PFKM: variants seen among roughly 807,000 people sequenced by gnomAD.
The protein encoded by PFKM is phosphofructokinase, muscle, also known as ATP-dependent 6-phosphofructokinase, muscle type.
PFKM carries 58 observed loss-of-function variants against 95.5 expected under a neutral mutation model. The ratio of observed to expected loss-of-function variants is 0.61; its 90% CI spans 0.49 to 0.76. The LOEUF (loss-of-function observed/expected upper bound fraction) is 0.76. PFKM is among the 30% of genes least tolerant of loss of function. The pLI is 0.00. For missense variants in PFKM, 678 were observed against 1,005.4 expected, an observed-to-expected ratio of 0.67 and a Z score of 4.40; for synonymous variants, 336 against 357.2, an observed-to-expected ratio of 0.94 and a Z score of 0.67.
chr12:48,145,758 C>A lies in PFKM; in HGVS notation c.*50C>A. 2 of 1,573,032 alleles carry A rather than the reference C, an allele frequency of 1.3e-6. No individual in the cohort carries two copies. Among genetic ancestry groups the A allele is most frequent in the Admixed American group, 1.7e-5 (1 of 59,972 alleles). On this transcript the variant is annotated 3_prime_UTR_variant, in exon 23 of 23. Coordinates refer to ENST00000359794, the MANE Select transcript of PFKM (RefSeq NM_000289.6). The surrounding 1 kb of genome is among the most constrained non-coding windows in gnomAD (Gnocchi z 4.3). The stretch of plus-strand genomic sequence containing the variant: ...ATTACCTGATCATGGTCAGCTCACA[C>A]CCTAATAAGTCCACATCTTCTCAGT...
chr12:48,130,553 AT>A, intron 3 of PFKM, 117 bp downstream of exon 3: 1 of 837,436 alleles, frequency 1.2e-6, no homozygotes, highest in Non-Finnish European at 2.1e-6. Context: ...GCTGTGTTTG[AT>A]TTTCCTTGAC....
intron 4 of PFKM, chr12:48,131,974 T>G: frequency 2.2e-6 from 1 of 455,714 alleles, no homozygotes; most frequent in Non-Finnish European, 4.4e-6. Flanking sequence ...CATTTGCTGG[T>G]TTACTGAAAA....
At chr12:48,109,783 G>A (rs527398230) in intron 3 of PFKM, among the ~76,000 whole-genome samples, 9 of 152,130 alleles carry the variant, frequency 5.9e-5, no homozygotes, top group Non-Finnish European at 2.9e-5. Context: ...CACCAATAAG[G>A]CCTCCATTCC....
chr12:48,110,578 C>T (rs2137566710), intron 3 of PFKM, among the ~76,000 whole-genome samples: 1 of 152,120 alleles, frequency 6.6e-6, no homozygotes, highest in Middle Eastern at 3.4e-3. Context: ...CTACTGGTGC[C>T]CAAACATAAA....
In PFKM at chr12:48,124,043, T is replaced by C. The variant is rs192193381; in HGVS notation, c.85+1184T>C. On this transcript the variant is annotated intron_variant, in intron 2 of 22. Coordinates refer to ENST00000359794, the MANE Select transcript of PFKM (RefSeq NM_000289.6). Reference sequence around the variant, plus strand: ...AATTAGTGAGTATCTACTGTGTCAATCAGGATGATGATGAGGTTCACCAGT... The same window carrying C: ...AATTAGTGAGTATCTACTGTGTCAACCAGGATGATGATGAGGTTCACCAGT... Among the ~76,000 whole-genome samples, 21 of 152,340 alleles carry C rather than the reference T, an allele frequency of 1.4e-4. No homozygotes were observed. The South Asian group carries it at 3.9e-3, about 29-fold the overall frequency.
chr12:48,134,350 T>C, intron 7 of PFKM, 74 bp downstream of exon 7: 1 of 1,271,010 alleles, frequency 7.9e-7, no homozygotes, highest in Non-Finnish European at 1.2e-6. Context: ...GAGAGTCCAG[T>C]GAGGTCTCTC....
intron 2 of PFKM, among the ~76,000 whole-genome samples, chr12:48,123,512 A>G (rs1424257239): frequency 6.8e-6 from 1 of 146,244 alleles, no homozygotes; most frequent in Non-Finnish European, 1.5e-5. Flanking sequence ...ACGGAGTGGG[A>G]GTAAGAGGGT....
chr12:48,145,067 A>C lies in PFKM; in HGVS notation c.2029A>C (p.Thr677Pro). Residue 677 changes from threonine (T) to proline (P), a missense_variant, in exon 21 of 23, where the codon ACT becomes CCT. Coordinates refer to ENST00000359794, the MANE Select transcript of PFKM (RefSeq NM_000289.6). This position sits in a 1 kb window ranked among gnomAD's most constrained non-coding sequence, Gnocchi z 4.3. Reference protein sequence around the residue: ...SPTPFDRNFATKMGAKAMNWM... With the variant: ...SPTPFDRNFAPKMGAKAMNWM... ...AACCCCATTTGATAGGAATTTTGCCACTAAGATGGGCGCCAAGGCTATGAA... is the reference window on the plus strand; with the variant it reads ...AACCCCATTTGATAGGAATTTTGCCCCTAAGATGGGCGCCAAGGCTATGAA... 1 of 1,614,148 alleles carries C rather than the reference A, an allele frequency of 6.2e-7. No homozygotes were observed. Among genetic ancestry groups the C allele is most frequent in the Non-Finnish European group, 8.5e-7 (1 of 1,179,992 alleles).
intron 3 of PFKM, 55 bp downstream of exon 3, chr12:48,130,491 C>A: frequency 8.0e-7 from 1 of 1,253,330 alleles, no homozygotes; most frequent in East Asian, 2.3e-5. Flanking sequence ...TCTAAATCTG[C>A]CTTCTATCCC....
At chr12:48,128,995 A>T (rs1200306660) in intron 2 of PFKM, among the ~76,000 whole-genome samples, 1 of 152,106 alleles carries the variant, frequency 6.6e-6, no homozygotes, top group African/African-American at 2.4e-5. Flanking sequence ...TTAGCAGAGG[A>T]TCAGTGCATT....
intron 1 of PFKM, 62 bp from the exon 2 acceptor site, chr12:48,122,705 C>G: frequency 6.2e-7 from 1 of 1,610,864 alleles, no homozygotes; most frequent in Non-Finnish European, 8.5e-7. Context: ...AATTGCCGTT[C>G]CTTTAGCTAG....
intron 3 of PFKM, among the ~76,000 whole-genome samples, chr12:48,110,186 A>T (rs1380070246): frequency 6.6e-6 from 1 of 152,190 alleles, no homozygotes; most frequent in Non-Finnish European, 1.5e-5. Context: ...AAGAGAGAAG[A>T]GCTTTCCAGA....
chr12:48,134,746 T>G lies in PFKM; in HGVS notation c.664T>G (p.Ser222Ala). 1 of 1,614,056 alleles carries G rather than the reference T, an allele frequency of 6.2e-7. No homozygotes were observed. Among genetic ancestry groups the G allele is most frequent in the Non-Finnish European group, 8.5e-7 (1 of 1,179,896 alleles). ...ATACCTGGCCCTTGTCACCTCTCTG[T>G]CCTGTGGGGCCGACTGGGTTTTTAT... ...CGYLALVTSL[S>A]CGADWVFIPE... Residue 222 changes from serine (S) to alanine (A), a missense_variant, in exon 8 of 23, where the codon TCC becomes GCC. Transcript: ENST00000359794.
At chr12:48,140,923 G>A (rs756996241) in intron 14 of PFKM, 52 bp downstream of exon 14, 2 of 1,592,444 alleles carry the variant, frequency 1.3e-6, no homozygotes, top group Non-Finnish European at 1.7e-6. Flanking sequence ...GATAAGTGTA[G>A]CAAGAATGAC....
At chr12:48,123,522 T>C (rs1948509745) in intron 2 of PFKM, among the ~76,000 whole-genome samples, 1 of 136,864 alleles carries the variant, frequency 7.3e-6, no homozygotes, top group Non-Finnish European at 1.6e-5. Context: ...AGTAAGAGGG[T>C]ATTGATTTTT....
chr12:48,127,382 T>A (rs1216133951), intron 2 of PFKM, among the ~76,000 whole-genome samples: 1 of 152,116 alleles, frequency 6.6e-6, no homozygotes, highest in Admixed American at 6.6e-5. Flanking sequence ...AAACAGCATA[T>A]CCAAATATGA....
In PFKM at chr12:48,145,690, CG is replaced by C. The variant is rs1950988801; in HGVS notation, c.2329del (p.Glu777LysfsTer23). 1 of 1,614,160 alleles carries C rather than the reference CG, an allele frequency of 6.2e-7. No homozygotes were observed. The highest frequency in any genetic ancestry group is 1.1e-5 in the South Asian group (1 of 91,070). On this transcript the variant is annotated frameshift_variant, in exon 23 of 23. Coordinates refer to ENST00000359794, the MANE Select transcript of PFKM (RefSeq NM_000289.6). LOFTEE classifies it high-confidence loss of function. This position sits in a 1 kb window ranked among gnomAD's most constrained non-coding sequence, Gnocchi z 4.3. ...TGGAGCACATCACCCGGAAGCGGTC[CG>C]GGGAAGCTGCCGTCTAAACCTCTCT... is the stretch of plus-strand genomic sequence containing the variant. ...HLEHITRKRS[G>X]EAAV
chr12:48,131,467 T>C (rs1434625706), intron 4 of PFKM, 74 bp downstream of exon 4: 2 of 1,029,070 alleles, frequency 1.9e-6, no homozygotes, highest in South Asian at 1.3e-5. Context: ...GGGCTCATGG[T>C]CTCCTAAATT....
At chr12:48,119,510 G>A in intron 1 of PFKM, 104 bp downstream of exon 1, 1 of 617,438 alleles carries the variant, frequency 1.6e-6, no homozygotes, top group Non-Finnish European at 2.0e-6. Flanking sequence ...GAGCAGAAAG[G>A]AAAAGAAGAG....
Sources: gnomAD v4.1 joint callset for allele counts (sites outside exome capture counted in the v4.1 genomes callset) on GRCh38, gnomAD v4.1.1 for gene constraint, Gnocchi (gnomAD v3.1) non-coding constraint, MANE v1.5 for transcripts, NCBI Gene and HGNC (gene_info 2026-07-23, HGNC 2026-07-21) for gene names.